RNF43: variants seen among roughly 807,000 people sequenced by gnomAD.
RNF43 encodes ring finger protein 43.
RNF43 carries 37 observed loss-of-function variants against 78.4 expected under a neutral mutation model. The ratio of observed to expected loss-of-function variants is 0.47; its 90% confidence interval spans 0.36 to 0.62. The LOEUF (loss-of-function observed/expected upper bound fraction) is 0.62. RNF43 is among the 20% of genes least tolerant of loss of function. The pLI is 0.00. For missense variants in RNF43, 774 were observed against 1,007.9 expected, an observed-to-expected ratio of 0.77 and a Z score of 3.14; for synonymous variants, 347 against 395.0, an observed-to-expected ratio of 0.88 and a Z score of 1.44.
rs372693738 is a variant in RNF43 at position 58,358,187 on chromosome 17, G to A, written c.1589C>T (p.Pro530Leu). 6.2e-7 allele frequency: 1 copy of A among 1,612,746 alleles called. No homozygotes were observed. Among genetic ancestry groups the A allele is most frequent in the Non-Finnish European group, 8.5e-7 (1 of 1,179,370 alleles). The change falls in exon 9 of 10, where the codon CCT becomes CTT. Residue 530 changes from proline (P) to leucine (L), a missense_variant. Physicochemically the swap from Pro to Leu is moderately conservative, Grantham distance 98. Coordinates refer to ENST00000407977, the MANE Select transcript of RNF43 (RefSeq NM_017763.6). This position sits in a 1 kb window ranked among gnomAD's most constrained non-coding sequence, Gnocchi z 6.2. Reference sequence around the variant, plus strand: ...GGGCACCACCGAGTCCAAGGAACGAGGCCGAGAGGTCACACTAGGCTGCAT... The same window carrying A: ...GGGCACCACCGAGTCCAAGGAACGAAGCCGAGAGGTCACACTAGGCTGCAT... ...VDMQPSVTSRPRSLDSVVPTG... is the reference protein window; with the variant it reads ...VDMQPSVTSRLRSLDSVVPTG...
In RNF43 at chr17:58,360,114, C is replaced by T. The variant is rs1276627257; in HGVS notation, c.952+35G>A. On this transcript the variant is annotated intron_variant, in intron 8 of 9. Transcript: ENST00000407977. This position sits in a 1 kb window ranked among gnomAD's most constrained non-coding sequence, Gnocchi z 4.3. Reference sequence around the variant, plus strand: ...GGAAGCCACATTCTAGACCTGTCTGCCTACACAGAGGGGAGTCCTTGGCCC... The same window carrying T: ...GGAAGCCACATTCTAGACCTGTCTGTCTACACAGAGGGGAGTCCTTGGCCC... 7.3e-6 allele frequency: 11 copies of T among 1,513,142 alleles called. No individual in the cohort carries two copies. In the South Asian group the frequency reaches 1.2e-4, roughly 17 times the overall value. 93.7% of individuals were successfully genotyped at this position (1,513,142 alleles called of 1,614,324 possible).
At chr17:58,375,311 G>A (rs1973184712) in intron 2 of RNF43, among the ~76,000 whole-genome samples, 1 of 152,188 alleles carries the variant, frequency 6.6e-6, no homozygotes, top group Non-Finnish European at 1.5e-5. Context: ...AAAAGGCTCT[G>A]CCTGGTCTGG....
chr17:58,356,886 CTTTTTTT>C (rs150378896), intron 9 of RNF43: 4 of 141,212 alleles, frequency 2.8e-5, no homozygotes, highest in East Asian at 1.7e-4. Context: ...CCAAATGCCT[CTTTTTTT>C]TTTTTTTTTT....
chr17:58,403,999 G>A (rs1973856084), intron 2 of RNF43, among the ~76,000 whole-genome samples: 1 of 152,102 alleles, frequency 6.6e-6, no homozygotes, highest in Non-Finnish European at 1.5e-5. Flanking sequence ...CAACCTTGAC[G>A]AAGCATTTAC....
chr17:58,362,832 G>A (rs1208681255), intron 5 of RNF43, among the ~76,000 whole-genome samples, 184 bp from the exon 6 acceptor site: 1 of 152,218 alleles, frequency 6.6e-6, no homozygotes, highest in Non-Finnish European at 1.5e-5. Flanking sequence ...AGGGCACTCA[G>A]AGAGGATCTT....
In RNF43 at chr17:58,360,054, C is replaced by T; in HGVS notation, c.952+95G>A. 1.1e-6 allele frequency: 1 copy of T among 907,934 alleles called. No homozygotes were observed. Among genetic ancestry groups the T allele is most frequent in the Non-Finnish European group, 1.8e-6 (1 of 552,282 alleles). 56.2% of individuals were successfully genotyped at this position (907,934 alleles called of 1,614,324 possible). A position where few individuals can be genotyped will look rare whatever the true frequency, so the allele number is the denominator to read the frequency against. ...ACAACTATGGTGGCAGTTCTGCTTT[C>T]TCCCCAGCTTCAAGGCTGCAACCCT... On this transcript the variant is annotated intron_variant, in intron 8 of 9. Transcript: ENST00000407977. This position sits in a 1 kb window ranked among gnomAD's most constrained non-coding sequence, Gnocchi z 4.3.
intron 5 of RNF43, 121 bp downstream of exon 5, chr17:58,363,154 T>C: frequency 8.1e-7 from 1 of 1,241,850 alleles, no homozygotes; most frequent in Non-Finnish European, 1.1e-6. Context: ...TGGATGAAGT[T>C]GGACTAGAGG....
intron 2 of RNF43, among the ~76,000 whole-genome samples, chr17:58,411,067 T>C (rs143708918): frequency 1.3e-5 from 2 of 152,294 alleles, no homozygotes; most frequent in African/African-American, 4.8e-5. Context: ...TCAGTTTCCT[T>C]ATCTGTAAAA....
chr17:58,361,692 A>G (rs1972836451), intron 6 of RNF43, among the ~76,000 whole-genome samples: 1 of 152,222 alleles, frequency 6.6e-6, no homozygotes, highest in Non-Finnish European at 1.5e-5. Context: ...AGTCCAATAC[A>G]ACGGGGCCCC....
At chr17:58,376,313 C>T (rs1394623992) in intron 2 of RNF43, among the ~76,000 whole-genome samples, 1 of 151,934 alleles carries the variant, frequency 6.6e-6, no homozygotes, top group Non-Finnish European at 1.5e-5. Flanking sequence ...AGGAGAAGTG[C>T]CCTTGAAAAC....
In RNF43 at chr17:58,360,071, T is replaced by G; in HGVS notation, c.952+78A>C. 9.1e-7 allele frequency: 1 copy of G among 1,100,842 alleles called. No homozygotes were observed. Among genetic ancestry groups the G allele is most frequent in the South Asian group, 1.3e-5 (1 of 78,546 alleles). The allele number at this position is 1,100,842 out of a possible 1,614,324, so 68.2% of individuals were successfully genotyped here. On this transcript the variant is annotated intron_variant, in intron 8 of 9. Coordinates refer to ENST00000407977, the MANE Select transcript of RNF43 (RefSeq NM_017763.6). The surrounding 1 kb of genome is among the most constrained non-coding windows in gnomAD (Gnocchi z 4.3). Reference sequence around the variant, plus strand: ...TCTGCTTTCTCCCCAGCTTCAAGGCTGCAACCCTTTCCCAAAGGGAAGCCA... The same window carrying G: ...TCTGCTTTCTCCCCAGCTTCAAGGCGGCAACCCTTTCCCAAAGGGAAGCCA...
In RNF43 at chr17:58,354,926, A is replaced by T; in HGVS notation, c.*17T>A. 1 of 1,613,384 alleles carries T rather than the reference A, an allele frequency of 6.2e-7. No homozygotes were observed. The highest frequency in any genetic ancestry group is 8.5e-7 in the Non-Finnish European group (1 of 1,179,324). On this transcript the variant is annotated 3_prime_UTR_variant, in exon 10 of 10. Coordinates refer to ENST00000407977, the MANE Select transcript of RNF43 (RefSeq NM_017763.6). ...ACATCTGGAGCACACTCTTGGTTGG[A>T]GCTAGGCCTGAACATCTCACACAGC...
In RNF43 at chr17:58,355,980, TGAAAGGCAAGAAAAA is replaced by T. The variant is rs539626059; in HGVS notation, c.2309-1009_2309-995del. Among the ~76,000 whole-genome samples the T allele has an allele frequency of 7.9e-3, 1,207 of 152,226 alleles. 16 individuals are homozygous for T. The highest frequency in any genetic ancestry group is 0.028 in the African/African-American group (1,168 of 41,510). On this transcript the variant is annotated intron_variant, in intron 9 of 9. Transcript: ENST00000407977. ...AACAGAATCTGGCACTGATTAGATG[TGAAAGGCAAGAAAAA>T]GAGAGGCACTGAAACTAGTTCTGAG...
intron 3 of RNF43, among the ~76,000 whole-genome samples, chr17:58,364,353 G>A (rs141679485): frequency 6.6e-6 from 1 of 152,214 alleles, no homozygotes; most frequent in Non-Finnish European, 1.5e-5. Flanking sequence ...TGGTGAGTAT[G>A]CACACGTGCA....
chr17:58,393,471 AAC>A (rs1016639948), intron 2 of RNF43, among the ~76,000 whole-genome samples: 2 of 152,224 alleles, frequency 1.3e-5, no homozygotes, highest in African/African-American at 4.8e-5. Flanking sequence ...ACATTATTGT[AAC>A]ACAGTATATG....
At chr17:58,409,438 T>A (rs1434008673) in intron 2 of RNF43, among the ~76,000 whole-genome samples, 1 of 152,016 alleles carries the variant, frequency 6.6e-6, no homozygotes, top group Admixed American at 6.6e-5. Flanking sequence ...TTGAAAGGGA[T>A]AAAAGGGAAA....
chr17:58,374,191 G>GAA (rs34851565), intron 2 of RNF43, among the ~76,000 whole-genome samples: 19 of 150,236 alleles, frequency 1.3e-4, no homozygotes, highest in East Asian at 2.0e-4. Flanking sequence ...GTAGAGATTA[G>GAA]AAAAAAAAAG....
rs1424078374 is a variant in RNF43 at position 58,415,368 on chromosome 17, A to T, written c.210T>A (p.Ala70=). Residue 70 remains alanine (A), a synonymous_variant, in exon 2 of 10, where the codon GCT becomes GCA. Coordinates refer to ENST00000407977, the MANE Select transcript of RNF43 (RefSeq NM_017763.6). ...KLNLTLEGVF[A]GVAEITPAEG... ...CTGCTGGAGTTATTTCAGCAACACC[A>T]GCAAACACACCTTCCAAAGTGAGAT... The T allele has an allele frequency of 6.2e-7, 1 of 1,614,132 alleles. No homozygotes were observed. Among genetic ancestry groups the T allele is most frequent in the Non-Finnish European group, 8.5e-7 (1 of 1,180,042 alleles).
chr17:58,374,996 C>T (rs1274720671), intron 2 of RNF43, among the ~76,000 whole-genome samples: 1 of 152,180 alleles, frequency 6.6e-6, no homozygotes, highest in Middle Eastern at 3.2e-3. Flanking sequence ...CCATCTCCTT[C>T]ACCCCCACTC....
Sources: gnomAD v4.1 joint callset for allele counts (sites outside exome capture counted in the v4.1 genomes callset) on GRCh38, gnomAD v4.1.1 for gene constraint, Gnocchi (gnomAD v3.1) non-coding constraint, MANE v1.5 for transcripts, NCBI Gene and HGNC (gene_info 2026-07-23, HGNC 2026-07-21) for gene names.